Variants in EGFLAM observed in about 807,000 individuals in gnomAD.
EGFLAM encodes pikachurin.
EGFLAM carries 79 observed loss-of-function variants against 113.1 expected under a neutral mutation model. The ratio of observed to expected loss-of-function variants is 0.70; its 90% CI spans 0.58 to 0.84. The LOEUF is 0.84. EGFLAM is among the 40% of genes least tolerant of loss of function. The pLI is 0.00. For synonymous variants in EGFLAM, 504 were observed against 487.6 expected (o/e 1.03, Z -0.44); for missense variants, 1,265 against 1,291.6 (o/e 0.98, Z 0.32).
chr5:38,290,179 G>A (rs1457760744), intron 1 of EGFLAM, among the ~76,000 whole-genome samples: 1 of 152,188 alleles, frequency 6.6e-6, no homozygotes, highest in Non-Finnish European at 1.5e-5. Context: ...AGTCACCACT[G>A]TGAGCAGCTG....
chr5:38,454,411 G>T (rs145374133), intron 19 of EGFLAM, among the ~76,000 whole-genome samples: 2 of 152,182 alleles, frequency 1.3e-5, no homozygotes, highest in East Asian at 3.9e-4. Context: ...CTTGCAAAAC[G>T]ACAGGGTTCG....
chr5:38,312,242 G>T (rs1458527447), intron 1 of EGFLAM, among the ~76,000 whole-genome samples: 1 of 146,242 alleles, frequency 6.8e-6, no homozygotes, highest in Non-Finnish European at 1.5e-5. Flanking sequence ...CTGTATCTCA[G>T]ATTTTTTTTT....
chr5:38,433,049 G>T (rs1579924544), intron 15 of EGFLAM, among the ~76,000 whole-genome samples: 2 of 152,326 alleles, frequency 1.3e-5, no homozygotes, highest in East Asian at 1.9e-4. Context: ...TGAACCAGGA[G>T]TGGGAAGGCC....
At chr5:38,342,333 G>T (rs58881630) in intron 3 of EGFLAM, among the ~76,000 whole-genome samples, 3,460 of 152,266 alleles carry the variant, frequency 0.023, 141 homozygotes, top group African/African-American at 0.078. Context: ...CACCTCTGTG[G>T]AGGTAGCTCC....
chr5:38,306,714 A>G (rs1758726544), intron 1 of EGFLAM, among the ~76,000 whole-genome samples: 1 of 152,132 alleles, frequency 6.6e-6, no homozygotes, highest in Non-Finnish European at 1.5e-5. Flanking sequence ...GTGGGTATCC[A>G]CACACTTCTG....
At chr5:38,459,440 G>T (rs991621576) in intron 20 of EGFLAM, among the ~76,000 whole-genome samples, 2 of 151,940 alleles carry the variant, frequency 1.3e-5, no homozygotes, top group Non-Finnish European at 1.5e-5. Flanking sequence ...TCATTCCTTT[G>T]CTCTTCTTTA....
At chr5:38,314,365 T>C (rs1738536275) in intron 1 of EGFLAM, among the ~76,000 whole-genome samples, 1 of 152,236 alleles carries the variant, frequency 6.6e-6, no homozygotes, top group African/African-American at 2.4e-5. Flanking sequence ...ACCATGGTGT[T>C]TTAATTACAG....
intron 1 of EGFLAM, among the ~76,000 whole-genome samples, chr5:38,296,027 C>A (rs940188655): frequency 5.9e-5 from 9 of 152,092 alleles, no homozygotes; most frequent in African/African-American, 2.2e-4. Context: ...TCTGTTGATT[C>A]CTGGTTACAC....
intron 5 of EGFLAM, among the ~76,000 whole-genome samples, chr5:38,354,665 G>A (rs533845950): frequency 7.5e-4 from 114 of 152,156 alleles, no homozygotes; most frequent in African/African-American, 2.7e-3. Flanking sequence ...GGGAGGCAGA[G>A]GTTGCAGTGA....
At chr5:38,296,936 GA>G (rs35387675) in intron 1 of EGFLAM, among the ~76,000 whole-genome samples, 1 of 151,148 alleles carries the variant, frequency 6.6e-6, no homozygotes, top group East Asian at 1.9e-4. Flanking sequence ...ATCTAATTGT[GA>G]AAAAAAATTA....
At chr5:38,398,798 A>G (rs758685406) in intron 6 of EGFLAM, among the ~76,000 whole-genome samples, 8 of 152,222 alleles carry the variant, frequency 5.3e-5, no homozygotes, top group Non-Finnish European at 8.8e-5. Flanking sequence ...TAACCAACCA[A>G]TTCTTGAACA....
intron 1 of EGFLAM, among the ~76,000 whole-genome samples, chr5:38,315,716 G>A (rs1169397422): frequency 2.6e-5 from 4 of 152,068 alleles, no homozygotes; most frequent in Non-Finnish European, 5.9e-5. Context: ...TCTCTCTCTC[G>A]GCTTCAGTTT....
intron 1 of EGFLAM, among the ~76,000 whole-genome samples, chr5:38,333,551 A>C (rs1490543531): frequency 6.6e-6 from 1 of 152,138 alleles, no homozygotes; most frequent in South Asian, 2.1e-4. Flanking sequence ...TCTAATGATC[A>C]GTGATGTTGA....
intron 11 of EGFLAM, among the ~76,000 whole-genome samples, chr5:38,417,575 C>G (rs1271759599): frequency 6.6e-6 from 1 of 151,984 alleles, no homozygotes; most frequent in Admixed American, 6.6e-5. Context: ...CCCTCCACCC[C>G]CCGTCCACCC....
intron 1 of EGFLAM, among the ~76,000 whole-genome samples, chr5:38,287,522 C>T (rs1185883234): frequency 2.6e-5 from 4 of 152,210 alleles, no homozygotes; most frequent in African/African-American, 7.2e-5. Context: ...CAGGTGTGCA[C>T]CACCATGCCT....
At chr5:38,297,752 G>A (rs1385978007) in intron 1 of EGFLAM, among the ~76,000 whole-genome samples, 1 of 152,190 alleles carries the variant, frequency 6.6e-6, no homozygotes, top group East Asian at 1.9e-4. Context: ...AAAGGATCAT[G>A]CTTATTGTCC....
At chr5:38,312,469 T>TGACCTCGTGATCCGCC (rs1738480689) in intron 1 of EGFLAM, among the ~76,000 whole-genome samples, 2 of 152,142 alleles carry the variant, frequency 1.3e-5, no homozygotes, top group Admixed American at 1.3e-4. Context: ...CTTGATCTGC[T>TGACCTCGTGATCCGCC]GACCTCGTGA....
chr5:38,423,428 C>G (rs965948934), intron 12 of EGFLAM, among the ~76,000 whole-genome samples: 1 of 152,132 alleles, frequency 6.6e-6, no homozygotes, highest in African/African-American at 2.4e-5. Context: ...CTTTCATGAC[C>G]TCCCCTCCCC....
chr5:38,391,258 G>A lies in EGFLAM; in HGVS notation c.713-14868G>A, dbSNP rs115864952. On this transcript the variant is annotated intron_variant, in intron 6 of 21. Transcript: ENST00000322350. ...GATTCAGCCTTTCCCCTATTAATTCGTAATGACATCTTTCTGGTATATCAG... is the reference window on the plus strand; with the variant it reads ...GATTCAGCCTTTCCCCTATTAATTCATAATGACATCTTTCTGGTATATCAG... Among the ~76,000 whole-genome samples the A allele has an allele frequency of 7.0e-3, 1,062 of 152,130 alleles. 13 individuals carry two copies. The highest frequency in any genetic ancestry group is 0.025 in the African/African-American group (1,024 of 41,494).
Sources: allele counts gnomAD v4.1 joint callset (sites outside exome capture counted in the v4.1 genomes callset), GRCh38; gene constraint gnomAD v4.1.1; transcripts MANE v1.5; gene names NCBI Gene and HGNC (gene_info 2026-07-23, HGNC 2026-07-21).